FMN1: variants seen among roughly 807,000 people sequenced by gnomAD.
The protein encoded by FMN1 is formin-1.
A neutral mutation model predicts 132.4 loss-of-function variants in FMN1; 110 were observed. The ratio of observed to expected loss-of-function variants is 0.83; its 90% CI spans 0.71 to 0.97. The LOEUF (loss-of-function observed/expected upper bound fraction) is 0.97, where lower values mean the gene tolerates loss of function less well. Among genes scored for constraint, FMN1 ranks in the 50% least tolerant of loss-of-function variants. FMN1 has a pLI of 0.00. For synonymous variants in FMN1, 722 were observed against 651.7 expected, an observed-to-expected ratio of 1.11 and a Z score of -1.64; for missense variants, 1,792 against 1,705.3, an observed-to-expected ratio of 1.05 and a Z score of -0.90.
chr15:33,027,827 C>T (rs1047026649), intron 6 of FMN1, among the ~76,000 whole-genome samples: 1 of 152,156 alleles, frequency 6.6e-6, no homozygotes, highest in Non-Finnish European at 1.5e-5. Context: ...ATATGACAGA[C>T]AAGAGCATAT....
At chr15:32,987,384 A>T (rs376875124) in intron 7 of FMN1, among the ~76,000 whole-genome samples, 1 of 152,170 alleles carries the variant, frequency 6.6e-6, no homozygotes, top group East Asian at 1.9e-4. Flanking sequence ...CATGCCAGTC[A>T]TGTACTCCGA....
chr15:33,113,160 G>C (rs1333724340), intron 4 of FMN1, among the ~76,000 whole-genome samples: 1 of 152,124 alleles, frequency 6.6e-6, no homozygotes, highest in Non-Finnish European at 1.5e-5. Context: ...TGGATGCTTT[G>C]TGGCCAAAGC....
At chr15:32,775,979 C>A (rs896456821) in intron 20 of FMN1, among the ~76,000 whole-genome samples, 2 of 152,136 alleles carry the variant, frequency 1.3e-5, no homozygotes, top group African/African-American at 4.8e-5. Flanking sequence ...ACCAAAGCAG[C>A]TGAAATTCAC....
At chr15:33,146,085 C>A (rs891062100) in intron 4 of FMN1, among the ~76,000 whole-genome samples, 5 of 151,318 alleles carry the variant, frequency 3.3e-5, no homozygotes, top group Non-Finnish European at 5.9e-5. Flanking sequence ...AAGAGATTCT[C>A]GGGCTTCAGC....
At chr15:32,858,132 C>A (rs944780699) in intron 16 of FMN1, among the ~76,000 whole-genome samples, 2 of 152,106 alleles carry the variant, frequency 1.3e-5, no homozygotes, top group African/African-American at 4.8e-5. Context: ...TTTATAAACA[C>A]ACAGGTAAGG....
intron 6 of FMN1, among the ~76,000 whole-genome samples, chr15:33,050,374 T>A (rs556346413): frequency 1.3e-5 from 2 of 151,732 alleles, no homozygotes; most frequent in African/African-American, 4.9e-5. Flanking sequence ...AAGATTCCAA[T>A]ACATACAATG....
At chr15:33,192,726 GA>G (rs936747568) in intron 2 of FMN1, among the ~76,000 whole-genome samples, 1 of 152,000 alleles carries the variant, frequency 6.6e-6, no homozygotes, top group Non-Finnish European at 1.5e-5. Context: ...AAAGACAATG[GA>G]AAAAAATGCA....
chr15:33,085,237 C>A (rs908465314), intron 5 of FMN1, among the ~76,000 whole-genome samples: 5 of 152,024 alleles, frequency 3.3e-5, no homozygotes, highest in African/African-American at 4.8e-5. Flanking sequence ...AATTTGTAGT[C>A]TTTTATAGGA....
chr15:33,128,849 G>A lies in FMN1; in HGVS notation c.1867+24199C>T, dbSNP rs145103634. On this transcript the variant is annotated intron_variant, in intron 4 of 20. Coordinates refer to ENST00000616417, the MANE Select transcript of FMN1 (RefSeq NM_001277313.2). Reference sequence around the variant, plus strand: ...AGCCTCCGCAATGCGGAAGACAACCGGAGCAGACTGCAGAGGCCTGCGTGC... The same window carrying A: ...AGCCTCCGCAATGCGGAAGACAACCAGAGCAGACTGCAGAGGCCTGCGTGC... Among the ~76,000 whole-genome samples, 350 of 152,330 alleles carry A rather than the reference G, an allele frequency of 2.3e-3. 2 individuals carry two copies. Among genetic ancestry groups the A allele is most frequent in the African/African-American group, 7.7e-3 (322 of 41,562 alleles).
intron 7 of FMN1, among the ~76,000 whole-genome samples, chr15:33,000,309 T>G (rs2034020408): frequency 6.6e-6 from 1 of 151,758 alleles, no homozygotes; most frequent in East Asian, 1.9e-4. Context: ...ATTAGCTGGG[T>G]GCAGTGGCGG....
intron 6 of FMN1, among the ~76,000 whole-genome samples, chr15:33,039,834 T>G (rs1467564375): frequency 6.6e-6 from 1 of 152,188 alleles, no homozygotes; most frequent in Admixed American, 6.5e-5. Flanking sequence ...AAGTCATTGG[T>G]TGCCTCTATC....
At chr15:32,976,917 C>T (rs1056825502) in intron 7 of FMN1, among the ~76,000 whole-genome samples, 1 of 152,206 alleles carries the variant, frequency 6.6e-6, no homozygotes, top group African/African-American at 2.4e-5. Flanking sequence ...TGCTAGCCTT[C>T]ATCCTTGTGA....
intron 5 of FMN1, among the ~76,000 whole-genome samples, chr15:33,086,523 A>G (rs2038702672): frequency 6.6e-6 from 1 of 152,228 alleles, no homozygotes; most frequent in Non-Finnish European, 1.5e-5. Flanking sequence ...GAGGAAAAGG[A>G]AAACCAGAAA....
intron 16 of FMN1, among the ~76,000 whole-genome samples, chr15:32,874,108 G>C (rs2059583937): frequency 6.9e-6 from 1 of 144,394 alleles, no homozygotes; most frequent in African/African-American, 2.6e-5. Context: ...TGTGACCTCT[G>C]CCTCCTGGGT....
intron 17 of FMN1, chr15:32,837,070 CTG>C: frequency 4.3e-6 from 1 of 229,922 alleles, no homozygotes; most frequent in Non-Finnish European, 9.9e-6. Flanking sequence ...TGCTACAATG[CTG>C]TGTCTGTTCA....
intron 6 of FMN1, among the ~76,000 whole-genome samples, chr15:33,056,819 C>G (rs1251114337): frequency 6.6e-6 from 1 of 152,178 alleles, no homozygotes; most frequent in Non-Finnish European, 1.5e-5. Context: ...ATGATTCTCA[C>G]AAGCATAACG....
chr15:33,144,632 C>T (rs1383663898), intron 4 of FMN1, among the ~76,000 whole-genome samples: 30 of 102,464 alleles, frequency 2.9e-4, no homozygotes, highest in Non-Finnish European at 4.1e-4. Flanking sequence ...AGCTAGACTC[C>T]GTCTGAAAAA....
chr15:32,934,819 C>A (rs751676721), intron 9 of FMN1, among the ~76,000 whole-genome samples: 1 of 151,892 alleles, frequency 6.6e-6, no homozygotes, highest in African/African-American at 2.4e-5. Flanking sequence ...GTGGGCCAGG[C>A]TGGTCTCAAA....
intron 17 of FMN1, among the ~76,000 whole-genome samples, chr15:32,823,108 G>C (rs1197351360): frequency 6.7e-6 from 1 of 148,652 alleles, no homozygotes; most frequent in Non-Finnish European, 1.5e-5. Context: ...TCCTACCCAC[G>C]AGCCCCCATT....
Sources: gnomAD v4.1 joint callset for allele counts (sites outside exome capture counted in the v4.1 genomes callset) on GRCh38, gnomAD v4.1.1 for gene constraint, MANE v1.5 for transcripts, NCBI Gene and HGNC (gene_info 2026-07-23, HGNC 2026-07-21) for gene names.